Variants in MAP3K19 observed in about 807,000 individuals in gnomAD.
MAP3K19 encodes the protein SPS1/STE20-related protein kinase YSK4.
Under a neutral mutation model 114.4 loss-of-function variants are expected in MAP3K19, and 91 were observed. That is an observed-to-expected ratio of 0.80 (90% CI 0.67 to 0.95). The LOEUF is 0.95. MAP3K19 is among the 40% of genes least tolerant of loss of function. The pLI, the probability that MAP3K19 is intolerant of heterozygous loss-of-function variation, is 0.00. For missense variants in MAP3K19, 1,471 were observed against 1,573.2 expected (o/e 0.94, Z 1.10); for synonymous variants, 518 against 530.5 (o/e 0.98, Z 0.32).
intron 2 of MAP3K19, among the ~76,000 whole-genome samples, chr2:135,032,239 C>T (rs1030076681): frequency 1.4e-4 from 22 of 151,990 alleles, no homozygotes; most frequent in African/African-American, 5.3e-4. Context: ...CGCCTGTAAT[C>T]CCAGCTATTC....
Position 134,964,760 on chromosome 2 carries a change from T to TG in MAP3K19, c.*89dup. ...AAACTGGGTTAGACTGAATTTTCAG[T>TG]GGGGAAACAAAGATCCCTTAGCCAT... On this transcript the variant is annotated 3_prime_UTR_variant, in exon 13 of 13. Coordinates refer to ENST00000392915, the MANE Select transcript of MAP3K19 (RefSeq NM_025052.5). The TG allele has an allele frequency of 9.5e-7, 1 of 1,057,418 alleles. No individual in the cohort carries two copies. The highest frequency in any genetic ancestry group is 1.4e-6 in the Non-Finnish European group (1 of 703,558). 65.5% of individuals were successfully genotyped at this position (1,057,418 alleles called of 1,614,324 possible).
At chr2:135,042,514 AAAAAAGAAAAAAGAAAATT>A (rs937294215) in intron 1 of MAP3K19, among the ~76,000 whole-genome samples, 1 of 146,972 alleles carries the variant, frequency 6.8e-6, no homozygotes, top group Non-Finnish European at 1.5e-5. Context: ...AAAAAAAAAA[AAAAAAGAAAAAAGAAAATT>A]AAAAAGAAAA....
At chr2:134,988,552 G>A (rs966389634) in intron 9 of MAP3K19, among the ~76,000 whole-genome samples, 3 of 151,914 alleles carry the variant, frequency 2.0e-5, no homozygotes, top group Admixed American at 1.3e-4. Flanking sequence ...CACTATGCTC[G>A]GCTAATGTTT....
In MAP3K19 at chr2:134,964,618, T is replaced by C. The variant is rs1421574436; in HGVS notation, c.*232A>G. The C allele has an allele frequency of 2.1e-5, 7 of 339,204 alleles. No homozygotes were observed. Among genetic ancestry groups the C allele is most frequent in the South Asian group, 1.0e-4 (1 of 9,704 alleles). The allele number at this position is 339,204 out of a possible 1,614,324, so 21.0% of individuals were successfully genotyped here. The stretch of plus-strand genomic sequence containing the variant: ...ACAATCAAAACTGTAAACACTGAAA[T>C]AGTTTTTTGTTGTTATTAAGAACAT... On this transcript the variant is annotated 3_prime_UTR_variant, in exon 13 of 13. Coordinates refer to ENST00000392915, the MANE Select transcript of MAP3K19 (RefSeq NM_025052.5).
chr2:135,023,360 G>C (rs1688111036), intron 4 of MAP3K19: 1 of 492,350 alleles, frequency 2.0e-6, no homozygotes, highest in Non-Finnish European at 4.2e-6. Context: ...CCTCGGCTCA[G>C]CCCTCTGCAA....
chr2:134,995,290 A>G (rs374466011), intron 8 of MAP3K19, among the ~76,000 whole-genome samples: 35 of 146,016 alleles, frequency 2.4e-4, no homozygotes, highest in African/African-American at 8.7e-4. Flanking sequence ...CACTCCAAGC[A>G]TGGGTGACAG....
intron 9 of MAP3K19, 117 bp from the exon 10 acceptor site, chr2:134,988,370 A>G: frequency 1.2e-6 from 1 of 850,130 alleles, no homozygotes; most frequent in Non-Finnish European, 1.7e-6. Context: ...TTTAAAGTTC[A>G]AAGCTATCCT....
chr2:135,002,439 T>C (rs1686509902), intron 6 of MAP3K19, among the ~76,000 whole-genome samples: 2 of 152,088 alleles, frequency 1.3e-5, no homozygotes, highest in Non-Finnish European at 2.9e-5. Context: ...TTTTATTTTA[T>C]TTTATTTGTT....
At chr2:135,024,143 G>A (rs1231534847) in intron 4 of MAP3K19, among the ~76,000 whole-genome samples, 2 of 152,138 alleles carry the variant, frequency 1.3e-5, no homozygotes, top group Non-Finnish European at 2.9e-5. Flanking sequence ...ACCTTCTTAG[G>A]TATAGCTTTG....
At position 134,986,355 on chromosome 2, in the gene MAP3K19, T is replaced by G; in HGVS notation, c.2517A>C (p.Glu839Asp). ...ILTTSLRDLQELEELHHQIPF... is the reference protein window; with the variant it reads ...ILTTSLRDLQDLEELHHQIPF... ...GGATCTGGTGATGTAGCTCTTCAAG[T>G]TCTTGCAGATCTCTGAGGCTTGTGG... The change falls in exon 10 of 13, where the codon GAA becomes GAC. Residue 839 changes from glutamate (E) to aspartate (D), a missense_variant. Coordinates refer to ENST00000392915, the MANE Select transcript of MAP3K19 (RefSeq NM_025052.5). 2.5e-6 allele frequency: 4 copies of G among 1,613,712 alleles called. No individual in the cohort carries two copies. Among genetic ancestry groups the G allele is most frequent in the Non-Finnish European group, 3.4e-6 (4 of 1,179,888 alleles).
At chr2:135,021,121 G>T (rs899688291) in intron 5 of MAP3K19, among the ~76,000 whole-genome samples, 1 of 151,302 alleles carries the variant, frequency 6.6e-6, no homozygotes, top group African/African-American at 2.4e-5. Context: ...CCAGAGTAAA[G>T]AACTGAATAT....
rs1478493280 is a variant in MAP3K19, at chr2:134,980,935, G to A, written c.3806C>T (p.Ser1269Phe). ...AAACATGGCGGCCATCCTGTCCATGGAAGCCAGTGGAGGCTTCCCTGTAGC... is the reference window on the plus strand; with the variant it reads ...AAACATGGCGGCCATCCTGTCCATGAAAGCCAGTGGAGGCTTCCCTGTAGC... ...EMATGKPPLA[S>F]MDRMAAMFYI... The change falls in exon 12 of 13, where the codon TCC (serine) becomes TTC (phenylalanine). Residue 1269 changes from serine to phenylalanine, a missense_variant. Transcript: ENST00000392915. 10 of 1,614,062 alleles carry A rather than the reference G, an allele frequency of 6.2e-6. No homozygotes were observed. The highest frequency in any genetic ancestry group is 5.0e-5 in the Admixed American group (3 of 60,008).
chr2:134,992,535 G>A (rs960220925), intron 8 of MAP3K19, among the ~76,000 whole-genome samples: 1 of 152,172 alleles, frequency 6.6e-6, no homozygotes, highest in Non-Finnish European at 1.5e-5. Context: ...TGGATGATGT[G>A]GGACAGGAAG....
chr2:135,015,891 CAA>C (rs565542667), intron 5 of MAP3K19, among the ~76,000 whole-genome samples: 1 of 137,486 alleles, frequency 7.3e-6, no homozygotes, highest in Non-Finnish European at 1.6e-5. Flanking sequence ...GCCTCCATCT[CAA>C]AAAAAAAAAA....
Position 134,981,314 on chromosome 2 carries a change from C to A in MAP3K19, c.3427G>T (p.Val1143Phe). The change falls in exon 12 of 13, where the codon GTT becomes TTT. Residue 1143 changes from valine (V) to phenylalanine (F), a missense_variant. By Grantham distance (50) the Val-to-Phe change is conservative (BLOSUM62 -1). Coordinates refer to ENST00000392915, the MANE Select transcript of MAP3K19 (RefSeq NM_025052.5). ...ENTVSIFMEF[V>F]PGGSISSIIN... is the part of the protein sequence containing the mutation. Reference sequence around the variant, plus strand: ...ATACTAGAGATTGAGCCACCAGGAACAAACTCCATGAAAATGCTCACAGTG... The same window carrying A: ...ATACTAGAGATTGAGCCACCAGGAAAAAACTCCATGAAAATGCTCACAGTG... 6.2e-7 allele frequency: 1 copy of A among 1,614,216 alleles called. No homozygotes were observed. Among genetic ancestry groups the A allele is most frequent in the Non-Finnish European group, 8.5e-7 (1 of 1,180,040 alleles).
intron 8 of MAP3K19, among the ~76,000 whole-genome samples, chr2:134,991,942 A>G (rs766012739): frequency 7.2e-5 from 11 of 152,178 alleles, no homozygotes; most frequent in Non-Finnish European, 1.5e-4. Context: ...CAGCTGGCAG[A>G]GCTGCATCAC....
At chr2:135,007,519 T>G (rs62168908) in intron 5 of MAP3K19, among the ~76,000 whole-genome samples, 4 of 152,168 alleles carry the variant, frequency 2.6e-5, no homozygotes, top group Non-Finnish European at 5.9e-5. Context: ...GTTCTTACTC[T>G]TTCTTTTCCT....
chr2:135,005,135 T>C (rs1459135798), intron 6 of MAP3K19, among the ~76,000 whole-genome samples: 1 of 152,216 alleles, frequency 6.6e-6, no homozygotes, highest in Admixed American at 6.5e-5. Context: ...TTCAAACTTA[T>C]TTATTATAAT....
chr2:135,038,435 C>G (rs1688578737), intron 2 of MAP3K19, among the ~76,000 whole-genome samples: 1 of 152,040 alleles, frequency 6.6e-6, no homozygotes, highest in African/African-American at 2.4e-5. Context: ...CCATGACCAG[C>G]CATGTTCCTG....
Sources: allele counts gnomAD v4.1 joint callset (sites outside exome capture counted in the v4.1 genomes callset), GRCh38; gene constraint gnomAD v4.1.1; transcripts MANE v1.5; gene names NCBI Gene and HGNC (gene_info 2026-07-23, HGNC 2026-07-21).